The following PGM1 variants were observed in gnomAD, a reference collection of about 807,000 sequenced individuals.
PGM1 encodes the protein phosphoglucomutase 1, also known as phosphoglucomutase-1.
Under a neutral mutation model 55.6 loss-of-function variants are expected in PGM1, and 52 were observed. That is an observed-to-expected ratio of 0.94 (90% CI 0.75 to 1.18). The LOEUF is 1.18. PGM1 is among the 50% of genes most tolerant of loss of function. PGM1 has a pLI of 0.00. For synonymous variants in PGM1, 287 were observed against 271.7 expected (o/e 1.06, Z -0.55); for missense variants, 724 against 729.3 (o/e 0.99, Z 0.08).
chr1:63,636,832 T>C (rs757534109), intron 6 of PGM1, among the ~76,000 whole-genome samples: 18 of 152,240 alleles, frequency 1.2e-4, no homozygotes, highest in Non-Finnish European at 2.5e-4. Context: ...AAGACATCAT[T>C]CTGGAGGATC....
intron 1 of PGM1, among the ~76,000 whole-genome samples, chr1:63,621,439 A>G (rs1188126870): frequency 6.6e-6 from 1 of 152,180 alleles, no homozygotes; most frequent in African/African-American, 2.4e-5. Context: ...TGTTATTCCA[A>G]TGAAAAGATT....
chr1:63,650,782 G>T (rs1649787006), intron 8 of PGM1, among the ~76,000 whole-genome samples: 1 of 152,164 alleles, frequency 6.6e-6, no homozygotes, highest in Admixed American at 6.5e-5. Context: ...AATTTCATTT[G>T]TGATGCACTT....
At chr1:63,617,155 G>T (rs12130662) in intron 1 of PGM1, among the ~76,000 whole-genome samples, 19,348 of 152,182 alleles carry the variant, frequency 0.13, 1,393 homozygotes, top group Non-Finnish European at 0.15. Flanking sequence ...ATGGTACTCG[G>T]CCTGTCTCCT....
At chr1:63,651,134 G>A (rs1014088532) in intron 8 of PGM1, among the ~76,000 whole-genome samples, 2 of 151,882 alleles carry the variant, frequency 1.3e-5, no homozygotes, top group African/African-American at 2.4e-5. Flanking sequence ...TCATCTGGTC[G>A]GTGAAAACTT....
chr1:63,612,955 T>G (rs1313111771), intron 1 of PGM1, among the ~76,000 whole-genome samples: 1 of 152,194 alleles, frequency 6.6e-6, no homozygotes, highest in African/African-American at 2.4e-5. Context: ...CAGGGGTCGT[T>G]TGATGCTCTC....
chr1:63,633,022 C>CA (rs980685002), intron 4 of PGM1, among the ~76,000 whole-genome samples: 2 of 151,656 alleles, frequency 1.3e-5, no homozygotes, highest in South Asian at 2.1e-4. Context: ...GACTCCGTCT[C>CA]AAAAAAACAA....
intron 7 of PGM1, among the ~76,000 whole-genome samples, chr1:63,647,259 CATATATATAT>C (rs55760196): frequency 0.032 from 1,727 of 54,770 alleles, 39 homozygotes; most frequent in Non-Finnish European, 0.045. Flanking sequence ...TAAAATTTTA[CATATATATAT>C]ATATATATAT....
chr1:63,634,791 TTC>T lies in PGM1; in HGVS notation c.683-36_683-35del, dbSNP rs1301175363. 3 of 1,568,776 alleles carry T rather than the reference TTC, an allele frequency of 1.9e-6. No homozygotes were observed. The South Asian group carries it at 3.3e-5, about 17-fold the overall frequency. ...CTCACATACTTTAAGGAGTTTTATT[TTC>T]TGATTCTGCATACATTTATTCCATG... On this transcript the variant is annotated intron_variant, in intron 4 of 10. Coordinates refer to ENST00000371084, the MANE Select transcript of PGM1 (RefSeq NM_002633.3).
chr1:63,654,106 T>C lies in PGM1; in HGVS notation c.1465-226T>C, dbSNP rs115116582. 0.014 allele frequency among the ~76,000 whole-genome samples: 2,145 copies of C among 152,272 alleles called. 55 individuals are homozygous for C. Among genetic ancestry groups the C allele is most frequent in the African/African-American group, 0.05 (2,058 of 41,558 alleles). The stretch of plus-strand genomic sequence containing the variant: ...AGCATCACTGAGGTCAGGTCTCCCC[T>C]GACCCTGGAAATGCTTCTCCCACCG... On this transcript the variant is annotated intron_variant, in intron 9 of 10. Coordinates refer to ENST00000371084, the MANE Select transcript of PGM1 (RefSeq NM_002633.3).
intron 10 of PGM1, chr1:63,655,688 G>A (rs933226449): frequency 1.3e-5 from 2 of 152,208 alleles, no homozygotes; most frequent in Non-Finnish European, 2.9e-5. Context: ...GAAGTGTTGT[G>A]GTATATTAGC....
chr1:63,646,631 C>T (rs1649652017), intron 7 of PGM1, among the ~76,000 whole-genome samples: 1 of 152,194 alleles, frequency 6.6e-6, no homozygotes, highest in South Asian at 2.1e-4. Context: ...CCAGCGTCCA[C>T]TCCCACCAGC....
chr1:63,659,708 C>A lies in PGM1; in HGVS notation c.*33C>A. ...GGCCTGATGTGGTACGTCCCTCCAC[C>A]CCCGGACCCATCCAAGTCATCTGAT... On this transcript the variant is annotated 3_prime_UTR_variant, in exon 11 of 11. Coordinates refer to ENST00000371084, the MANE Select transcript of PGM1 (RefSeq NM_002633.3). 1 of 1,478,006 alleles carries A rather than the reference C, an allele frequency of 6.8e-7. No individual in the cohort carries two copies. The highest frequency in any genetic ancestry group is 9.5e-7 in the Non-Finnish European group (1 of 1,055,810). 91.6% of individuals were successfully genotyped at this position (1,478,006 alleles called of 1,614,324 possible).
At chr1:63,593,849 C>T in intron 1 of PGM1, 115 bp downstream of exon 1, 3 of 1,305,162 alleles carry the variant, frequency 2.3e-6, no homozygotes, top group Non-Finnish European at 2.9e-6. Flanking sequence ...GCCTCGGTTT[C>T]CACCTCCCGC....
At chr1:63,616,611 G>A (rs1032655146) in intron 1 of PGM1, among the ~76,000 whole-genome samples, 7 of 152,274 alleles carry the variant, frequency 4.6e-5, no homozygotes, top group African/African-American at 1.7e-4. Flanking sequence ...ACAACACATC[G>A]GTCTATATAG....
chr1:63,628,318 G>A lies in PGM1; in HGVS notation c.247-1107G>A, dbSNP rs897622472. Among the ~76,000 whole-genome samples the A allele has an allele frequency of 4.6e-5, 7 of 152,138 alleles. No individual in the cohort carries two copies. In the East Asian group the frequency reaches 9.6e-4, roughly 21 times the overall value. ...AGGGGAGCTACAACAAAAATTGTTC[G>A]GAGATTGACATATGAGAGCCAAGAG... On this transcript the variant is annotated intron_variant, in intron 1 of 10. Coordinates refer to ENST00000371084, the MANE Select transcript of PGM1 (RefSeq NM_002633.3).
intron 3 of PGM1, 108 bp downstream of exon 3, chr1:63,630,196 T>C: frequency 1.8e-6 from 2 of 1,117,304 alleles, no homozygotes; most frequent in East Asian, 4.7e-5. Flanking sequence ...TTTCCGTGAG[T>C]GCTCTGTAAG....
At chr1:63,649,134 T>C (rs2100998948) in intron 8 of PGM1, among the ~76,000 whole-genome samples, 1 of 152,326 alleles carries the variant, frequency 6.6e-6, no homozygotes, top group East Asian at 1.9e-4. Flanking sequence ...AGAAACTTTT[T>C]TTCATAAATT....
intron 1 of PGM1, among the ~76,000 whole-genome samples, chr1:63,594,592 G>T (rs1436178798): frequency 6.6e-6 from 1 of 150,486 alleles, no homozygotes; most frequent in Non-Finnish European, 1.5e-5. Flanking sequence ...TTGATTGGGC[G>T]GGTCCACTCG....
At chr1:63,621,897 G>A (rs1030526249) in intron 1 of PGM1, among the ~76,000 whole-genome samples, 1 of 152,088 alleles carries the variant, frequency 6.6e-6, no homozygotes, top group Admixed American at 6.6e-5. Flanking sequence ...GAGCAGCCCC[G>A]GAACACAGCG....
Sources: gnomAD v4.1 joint callset for allele counts (sites outside exome capture counted in the v4.1 genomes callset) on GRCh38, gnomAD v4.1.1 for gene constraint, MANE v1.5 for transcripts, NCBI Gene and HGNC (gene_info 2026-07-23, HGNC 2026-07-21) for gene names.